Variants in PCDHA8 observed in about 807,000 individuals in gnomAD.
PCDHA8 encodes protocadherin alpha-8.
Under a neutral mutation model 61.8 loss-of-function variants are expected in PCDHA8, and 53 were observed. That is an observed-to-expected ratio of 0.86 (90% CI 0.69 to 1.08). PCDHA8 has a LOEUF of 1.08. Ranked by LOEUF, PCDHA8 falls within the 50% of genes least tolerant of loss-of-function variation. The probability of loss-of-function intolerance (pLI) is 0.00; values close to 1 mark genes in which losing one functional copy is unlikely to be tolerated. For synonymous variants in PCDHA8, 618 were observed against 556.6 expected, an observed-to-expected ratio of 1.11 and a Z score of -1.55; for missense variants, 1,293 against 1,245.0, an observed-to-expected ratio of 1.04 and a Z score of -0.58.
intron 1 of PCDHA8, chr5:140,876,776 T>C: frequency 1.2e-6 from 2 of 1,614,212 alleles, no homozygotes; most frequent in Non-Finnish European, 1.7e-6. Context: ...TCGCCTTCGC[T>C]GTGGGCCACG....
At chr5:141,001,279 G>A (rs1317213469) in intron 3 of PCDHA8, among the ~76,000 whole-genome samples, 1 of 151,942 alleles carries the variant, frequency 6.6e-6, no homozygotes, top group African/African-American at 2.4e-5. Context: ...CTTTTTTTAC[G>A]GATGAAAACT....
intron 1 of PCDHA8, chr5:140,870,984 G>T (rs1554164960): frequency 3.7e-6 from 6 of 1,613,520 alleles, no homozygotes; most frequent in Non-Finnish European, 8.5e-7. Context: ...GGCTGTACAC[G>T]GGCGAGATAA....
Position 140,849,791 on chromosome 5 carries a change from G to A in PCDHA8, c.2394+6076G>A. ...TGGTTACCGCGCGGGACGGGGGCTC[G>A]CCTTCACTGTGGGCCACGGCCAGGG... On this transcript the variant is annotated intron_variant, in intron 1 of 3. Coordinates refer to ENST00000531613, the MANE Select transcript of PCDHA8 (RefSeq NM_018911.3). The A allele has an allele frequency of 1.9e-6, 3 of 1,598,446 alleles. 1 individual carries two copies. Among genetic ancestry groups the A allele is most frequent in the African/African-American group, 1.3e-5 (1 of 74,534 alleles).
In PCDHA8 at chr5:140,927,334, G is replaced by A. The variant is rs201745433; in HGVS notation, c.2395-51615G>A. The A allele has an allele frequency of 4.6e-5, 74 of 1,614,180 alleles. No individual in the cohort carries two copies. Among genetic ancestry groups the A allele is most frequent in the Non-Finnish European group, 5.9e-5 (70 of 1,180,032 alleles). ...CGGAGCCCGCTTTACTCTCCCGAAT[G>A]CCCAAGATGACGACGAGGGAAGCAA... On this transcript the variant is annotated intron_variant, in intron 1 of 3. Transcript: ENST00000531613.
At chr5:140,892,885 ACCAACCTTTCC>A (rs1269753589) in intron 1 of PCDHA8, among the ~76,000 whole-genome samples, 1 of 152,154 alleles carries the variant, frequency 6.6e-6, no homozygotes, top group Non-Finnish European at 1.5e-5. Flanking sequence ...GTATCCATTA[ACCAACCTTTCC>A]CCATCCTCCT....
chr5:140,847,838 T>G (rs1182373979), intron 1 of PCDHA8: 1 of 149,830 alleles, frequency 6.7e-6, no homozygotes, highest in African/African-American at 2.4e-5. Flanking sequence ...CTACCTCAGT[T>G]GGTTGCTACT....
chr5:140,854,176 AG>A (rs2150310267), intron 1 of PCDHA8: 7 of 663,702 alleles, frequency 1.1e-5, no homozygotes, highest in East Asian at 1.3e-4. Flanking sequence ...AAAAAAAAAA[AG>A]AGTAGTTTAA....
chr5:140,848,945 T>G (rs1554142609), intron 1 of PCDHA8: 5 of 1,607,094 alleles, frequency 3.1e-6, no homozygotes, highest in South Asian at 1.1e-5. Flanking sequence ...CGCTTGACTC[T>G]CGGTTTCCAC....
At chr5:141,009,147 C>A (rs1193433198) in intron 3 of PCDHA8, among the ~76,000 whole-genome samples, 1 of 152,332 alleles carries the variant, frequency 6.6e-6, no homozygotes, top group Admixed American at 6.5e-5. Flanking sequence ...AACCTGCCCT[C>A]TTGCTTGTCT....
intron 1 of PCDHA8, among the ~76,000 whole-genome samples, chr5:140,902,728 C>T (rs1280424808): frequency 6.6e-6 from 1 of 151,858 alleles, no homozygotes; most frequent in Non-Finnish European, 1.5e-5. Flanking sequence ...ACCCTTCCCT[C>T]CAAGTCCCCC....
chr5:140,961,638 A>G (rs1428621389), intron 1 of PCDHA8, among the ~76,000 whole-genome samples: 1 of 152,200 alleles, frequency 6.6e-6, no homozygotes, highest in Non-Finnish European at 1.5e-5. Flanking sequence ...AACAATCTTA[A>G]GTCTATGTGG....
At chr5:140,850,403 C>T (rs1554144277) in intron 1 of PCDHA8, 5 of 1,597,838 alleles carry the variant, frequency 3.1e-6, no homozygotes, top group African/African-American at 2.7e-5. Flanking sequence ...CAACGCGTGC[C>T]CTGGACGAAA....
At chr5:140,860,638 CGAA>C (rs2046489260) in intron 1 of PCDHA8, 1 of 152,104 alleles carries the variant, frequency 6.6e-6, no homozygotes, top group African/African-American at 2.4e-5. Context: ...GAATCAGGAA[CGAA>C]GAAGATAAGT....
chr5:140,848,207 C>A (rs1279518262), intron 1 of PCDHA8: 2 of 340,884 alleles, frequency 5.9e-6, no homozygotes, highest in Non-Finnish European at 1.1e-5. Context: ...ACAATCATTA[C>A]TTAAGAAAAA....
chr5:140,877,049 A>G (rs1554169270), intron 1 of PCDHA8: 4 of 1,612,684 alleles, frequency 2.5e-6, no homozygotes, highest in Middle Eastern at 3.9e-4. Context: ...CTAGACCACG[A>G]GGAGCTGGAG....
In PCDHA8 at chr5:141,010,147, C is replaced by T. The variant is rs895381983; in HGVS notation, c.*210C>T. ...AAGTCTGGTGTTAACTCTTTCTCTC[C>T]ACTCTGGCTTGTTTTCAGAACCTAA... On this transcript the variant is annotated 3_prime_UTR_variant, in exon 4 of 4. Coordinates refer to ENST00000531613, the MANE Select transcript of PCDHA8 (RefSeq NM_018911.3). 3.2e-6 allele frequency: 5 copies of T among 1,583,190 alleles called. No homozygotes were observed. The highest frequency in any genetic ancestry group is 4.3e-6 in the Non-Finnish European group (5 of 1,163,606).
At chr5:140,971,778 G>C (rs1346530602) in intron 1 of PCDHA8, among the ~76,000 whole-genome samples, 2 of 151,860 alleles carry the variant, frequency 1.3e-5, no homozygotes, top group Non-Finnish European at 2.9e-5. Context: ...TATTATTCAA[G>C]ATTATTCAAT....
intron 3 of PCDHA8, among the ~76,000 whole-genome samples, chr5:140,995,529 C>T (rs1191657600): frequency 6.6e-6 from 1 of 152,078 alleles, no homozygotes. Context: ...GAAATCAAAC[C>T]TCAAATAAGG....
intron 1 of PCDHA8, chr5:140,870,896 C>A (rs946837071): frequency 4.3e-6 from 7 of 1,613,822 alleles, no homozygotes; most frequent in Non-Finnish European, 5.9e-6. Context: ...GCAGTGGATG[C>A]GGACTCAGGC....
Sources: gnomAD v4.1 joint callset for allele counts (sites outside exome capture counted in the v4.1 genomes callset) on GRCh38, gnomAD v4.1.1 for gene constraint, MANE v1.5 for transcripts, NCBI Gene and HGNC (gene_info 2026-07-23, HGNC 2026-07-21) for gene names.